Variants in PDE5A observed in about 807,000 individuals in gnomAD.
PDE5A encodes cGMP-specific 3',5'-cyclic phosphodiesterase.
In PDE5A, 67 loss-of-function variants were observed where a neutral mutation model predicts 110.2. That is an observed-to-expected ratio of 0.61 (90% CI 0.50 to 0.75). The LOEUF (loss-of-function observed/expected upper bound fraction) is 0.75, where lower values mean the gene tolerates loss of function less well. PDE5A is among the 30% of genes least tolerant of loss of function. The pLI is 0.00. For synonymous variants in PDE5A, 328 were observed against 351.2 expected (o/e 0.93, Z 0.74); for missense variants, 862 against 1,045.1 (o/e 0.82, Z 2.42).
intron 19 of PDE5A, 165 bp downstream of exon 19, chr4:119,502,416 C>T: frequency 2.0e-6 from 1 of 490,222 alleles, no homozygotes; most frequent in Non-Finnish European, 3.6e-6. Context: ...ATTGGTTTTG[C>T]TTTCTGTAAT....
Position 119,601,111 on chromosome 4 carries a change from T to C in PDE5A, c.742-4499A>G, listed in dbSNP as rs537066379. On this transcript the variant is annotated intron_variant, in intron 2 of 20. Transcript: ENST00000354960. Reference sequence around the variant, plus strand: ...TGAGTGATACTAGTGTATTTCCATATTTGCAACAAGCCCTTTTCAACCATA... The same window carrying C: ...TGAGTGATACTAGTGTATTTCCATACTTGCAACAAGCCCTTTTCAACCATA... 2.6e-5 allele frequency among the ~76,000 whole-genome samples: 4 copies of C among 152,268 alleles called. No homozygotes were observed. The South Asian group carries it at 8.3e-4, about 32-fold the overall frequency.
intron 14 of PDE5A, among the ~76,000 whole-genome samples, chr4:119,518,584 T>C (rs991253480): frequency 2.6e-5 from 4 of 152,180 alleles, no homozygotes; most frequent in Non-Finnish European, 5.9e-5. Flanking sequence ...GACATAACGG[T>C]ATAGAGAAAT....
At chr4:119,543,285 A>T (rs1727012291) in intron 9 of PDE5A, 3 of 152,286 alleles carry the variant, frequency 2.0e-5, no homozygotes, top group African/African-American at 7.2e-5. Flanking sequence ...CAACATTAGG[A>T]TAAATCTTAA....
intron 11 of PDE5A, among the ~76,000 whole-genome samples, chr4:119,532,034 C>G (rs1726560247): frequency 6.6e-6 from 1 of 152,078 alleles, no homozygotes. Flanking sequence ...AATCAACTCT[C>G]AAATTATTTC....
At chr4:119,618,304 GT>G (rs558891075) in intron 1 of PDE5A, among the ~76,000 whole-genome samples, 11 of 151,936 alleles carry the variant, frequency 7.2e-5, no homozygotes, top group Admixed American at 2.6e-4. Context: ...TAAGTTTTTG[GT>G]TTTTTTAAAT....
At chr4:119,579,840 TA>T (rs5861431) in intron 3 of PDE5A, among the ~76,000 whole-genome samples, 41,762 of 145,294 alleles carry the variant, frequency 0.29, 5,752 homozygotes, top group East Asian at 0.39. Context: ...TAAAGTATAA[TA>T]AAAAAAAAAA....
At chr4:119,614,166 TA>T (rs34918444) in intron 1 of PDE5A, among the ~76,000 whole-genome samples, 21 of 148,910 alleles carry the variant, frequency 1.4e-4, no homozygotes, top group South Asian at 2.1e-4. Flanking sequence ...ATAGTGTCCA[TA>T]AAAAAAAAAT....
At chr4:119,541,485 AT>A (rs1158183522) in intron 10 of PDE5A, among the ~76,000 whole-genome samples, 2 of 152,098 alleles carry the variant, frequency 1.3e-5, no homozygotes, top group African/African-American at 4.8e-5. Flanking sequence ...ACTGGTTTAT[AT>A]ATTCAAAGTC....
chr4:119,507,641 G>C lies in PDE5A; in HGVS notation c.2152C>G (p.Gln718Glu). ...EYKTTLKIIKQAILATDLALY... is the reference protein window; with the variant it reads ...EYKTTLKIIKEAILATDLALY... ...GCTAGGTCTGTAGCTAAAATAGCTTGCTTGATTATTTTCAACGTGGTCTTA... is the reference window on the plus strand; with the variant it reads ...GCTAGGTCTGTAGCTAAAATAGCTTCCTTGATTATTTTCAACGTGGTCTTA... Residue 718 changes from glutamine (Q) to glutamate (E), a missense_variant, in exon 16 of 21, where the codon CAA (glutamine) becomes GAA (glutamate). By Grantham distance (29) the Gln-to-Glu change is conservative. Coordinates refer to ENST00000354960, the MANE Select transcript of PDE5A (RefSeq NM_001083.4). 6.3e-7 allele frequency: 1 copy of C among 1,582,492 alleles called. No individual in the cohort carries two copies. Among genetic ancestry groups the C allele is most frequent in the Non-Finnish European group, 8.6e-7 (1 of 1,168,930 alleles).
intron 3 of PDE5A, among the ~76,000 whole-genome samples, chr4:119,580,453 T>C (rs1476173252): frequency 6.6e-6 from 1 of 152,204 alleles, no homozygotes; most frequent in African/African-American, 2.4e-5. Context: ...GTCTTTCCCA[T>C]GGCAGGGTAC....
intron 7 of PDE5A, among the ~76,000 whole-genome samples, chr4:119,559,876 T>C (rs978106795): frequency 3.3e-5 from 5 of 152,130 alleles, no homozygotes; most frequent in African/African-American, 1.2e-4. Context: ...CAATCCATGG[T>C]TTATCTCCCT....
In PDE5A at chr4:119,525,461, C is replaced by T; in HGVS notation, c.1779+88G>A. ...TCACTAAAATGTAAAAATCCCTATT[C>T]CATATTTGCATTCAAAACCAATTCT... On this transcript the variant is annotated intron_variant, in intron 12 of 20. Transcript: ENST00000354960. This position sits in a 1 kb window ranked among gnomAD's most constrained non-coding sequence, Gnocchi z 4.3. 1.6e-6 allele frequency: 2 copies of T among 1,243,566 alleles called. No individual in the cohort carries two copies. The highest frequency in any genetic ancestry group is 2.2e-6 in the Non-Finnish European group (2 of 890,798). The allele number at this position is 1,243,566 out of a possible 1,614,324, so 77.0% of individuals were successfully genotyped here. A position where few individuals can be genotyped will look rare whatever the true frequency, so the allele number is the denominator to read the frequency against.
chr4:119,627,320 C>T lies in PDE5A; in HGVS notation c.152+1200G>A. ...CACGGCCCCGGCCTCCGCGCCGCCGCCCGTCGCCTCCCGCTCGCCCCGCGC... is the reference window on the plus strand; with the variant it reads ...CACGGCCCCGGCCTCCGCGCCGCCGTCCGTCGCCTCCCGCTCGCCCCGCGC... On this transcript the variant is annotated intron_variant, in intron 1 of 20. Coordinates refer to ENST00000354960, the MANE Select transcript of PDE5A (RefSeq NM_001083.4). The surrounding 1 kb of genome is among the most constrained non-coding windows in gnomAD (Gnocchi z 4.6). The T allele has an allele frequency of 8.5e-7, 1 of 1,174,064 alleles. No individual in the cohort carries two copies. Among genetic ancestry groups the T allele is most frequent in the South Asian group, 3.0e-5 (1 of 32,892 alleles). 72.7% of individuals were successfully genotyped at this position (1,174,064 alleles called of 1,614,324 possible).
At chr4:119,522,108 T>A (rs1377906702) in intron 12 of PDE5A, among the ~76,000 whole-genome samples, 1 of 152,104 alleles carries the variant, frequency 6.6e-6, no homozygotes, top group African/African-American at 2.4e-5. Context: ...AGAAACTGCT[T>A]ATAAAGAACT....
intron 20 of PDE5A, 126 bp downstream of exon 20, chr4:119,501,044 A>G: frequency 1.6e-6 from 1 of 611,658 alleles, no homozygotes; most frequent in Non-Finnish European, 2.9e-6. Context: ...AAGAAACCAT[A>G]CTGCTAATAA....
intron 11 of PDE5A, among the ~76,000 whole-genome samples, chr4:119,536,518 G>A (rs1016575113): frequency 6.6e-6 from 1 of 152,078 alleles, no homozygotes; most frequent in African/African-American, 2.4e-5. Context: ...GTAAATAATT[G>A]AAAAACTGTT....
At position 119,533,642 on chromosome 4, in the gene PDE5A, A is replaced by G. The variant is rs1174846831; in HGVS notation, c.1632+5318T>C. On this transcript the variant is annotated intron_variant, in intron 11 of 20. Coordinates refer to ENST00000354960, the MANE Select transcript of PDE5A (RefSeq NM_001083.4). The stretch of plus-strand genomic sequence containing the variant: ...TTTAATAACAGCATCAACATGTTAT[A>G]TGATTTTTCCTTTTTTTCTAACATT... 2.0e-5 allele frequency among the ~76,000 whole-genome samples: 3 copies of G among 152,272 alleles called. No homozygotes were observed. The East Asian group carries it at 5.8e-4, about 29-fold the overall frequency.
chr4:119,537,884 G>A (rs1041613690), intron 11 of PDE5A, among the ~76,000 whole-genome samples: 2 of 152,084 alleles, frequency 1.3e-5, no homozygotes, highest in African/African-American at 4.8e-5. Context: ...AATGTTTTGT[G>A]TAAAAGAGAG....
intron 3 of PDE5A, among the ~76,000 whole-genome samples, chr4:119,577,083 C>A (rs913090102): frequency 2.0e-5 from 3 of 152,146 alleles, no homozygotes; most frequent in African/African-American, 7.2e-5. Context: ...ACTAGAAAAT[C>A]TAGAAGAAAT....
Sources: gnomAD v4.1 joint callset for allele counts (sites outside exome capture counted in the v4.1 genomes callset) on GRCh38, gnomAD v4.1.1 for gene constraint, Gnocchi (gnomAD v3.1) non-coding constraint, MANE v1.5 for transcripts, NCBI Gene and HGNC (gene_info 2026-07-23, HGNC 2026-07-21) for gene names.